The following CRY1 variants were observed in gnomAD, a reference collection of about 807,000 sequenced individuals.
The protein encoded by CRY1 is cryptochrome circadian regulator 1, also known as cryptochrome-1.
A neutral mutation model predicts 76.0 loss-of-function variants in CRY1; 45 were observed. The ratio of observed to expected loss-of-function variants is 0.59; its 90% confidence interval spans 0.47 to 0.76. The LOEUF (loss-of-function observed/expected upper bound fraction) is 0.76, where lower values mean the gene tolerates loss of function less well. CRY1 is among the 30% of genes least tolerant of loss of function. The pLI is 0.00. For missense variants in CRY1, 587 were observed against 716.4 expected (o/e 0.82, Z 2.06); for synonymous variants, 248 against 244.0 (o/e 1.02, Z -0.15).
rs1020158294 is a variant in CRY1, at chr12:106,997,800, C to G, written c.1290-110G>C. On this transcript the variant is annotated intron_variant, in intron 8 of 12. Coordinates refer to ENST00000008527, the MANE Select transcript of CRY1 (RefSeq NM_004075.5). ...AAGACCATTTAAATGATCTGTTTAC[C>G]CTTCTCATCTCTGCTGCCCATCATG... 12 of 1,527,446 alleles carry G rather than the reference C, an allele frequency of 7.9e-6. 1 individual carries two copies. Among genetic ancestry groups the G allele is most frequent in the South Asian group, 6.1e-5 (5 of 82,058 alleles). 94.6% of individuals were successfully genotyped at this position (1,527,446 alleles called of 1,614,324 possible).
At chr12:107,009,531 T>A (rs2136831240) in intron 2 of CRY1, among the ~76,000 whole-genome samples, 1 of 134,744 alleles carries the variant, frequency 7.4e-6, no homozygotes, top group East Asian at 2.1e-4. Context: ...AGAGCAAGAC[T>A]CCATCTCAGA....
At chr12:107,009,565 T>TATATATAC (rs1256147532) in intron 2 of CRY1, among the ~76,000 whole-genome samples, 1 of 99,040 alleles carries the variant, frequency 1.0e-5, no homozygotes, top group Non-Finnish European at 1.8e-5. Flanking sequence ...CAAAAAAACA[T>TATATATAC]ATATATATAT....
At chr12:107,046,146 A>G (rs1004721618) in intron 1 of CRY1, among the ~76,000 whole-genome samples, 5 of 148,870 alleles carry the variant, frequency 3.4e-5, no homozygotes, top group Non-Finnish European at 6.0e-5. Context: ...AAAAAAAATT[A>G]GTTGGGCATG....
At chr12:107,084,852 C>G (rs1953376595) in intron 1 of CRY1, among the ~76,000 whole-genome samples, 1 of 151,636 alleles carries the variant, frequency 6.6e-6, no homozygotes. Context: ...AGTTTCTGCA[C>G]AGTGAAAGAA....
At chr12:107,051,996 C>G (rs964433900) in intron 1 of CRY1, among the ~76,000 whole-genome samples, 34 of 151,964 alleles carry the variant, frequency 2.2e-4, no homozygotes, top group Non-Finnish European at 4.9e-4. Context: ...AAAGAAATTT[C>G]CCTTCTCAAA....
intron 1 of CRY1, among the ~76,000 whole-genome samples, chr12:107,085,824 A>AT (rs1309376164): frequency 2.0e-5 from 3 of 152,174 alleles, no homozygotes; most frequent in Non-Finnish European, 4.4e-5. Flanking sequence ...AACTTAAAGT[A>AT]TTAAAAAAAA....
intron 1 of CRY1, among the ~76,000 whole-genome samples, chr12:107,068,072 C>A (rs1953134154): frequency 6.6e-6 from 1 of 152,182 alleles, no homozygotes; most frequent in African/African-American, 2.4e-5. Context: ...GTCAAGCCAG[C>A]TCACTGCCTT....
chr12:107,042,491 T>C (rs1395402515), intron 1 of CRY1, among the ~76,000 whole-genome samples: 1 of 152,168 alleles, frequency 6.6e-6, no homozygotes, highest in East Asian at 1.9e-4. Context: ...ATCACTTCTG[T>C]GGCATTTTTC....
intron 1 of CRY1, among the ~76,000 whole-genome samples, chr12:107,047,926 C>G (rs1340922021): frequency 1.3e-5 from 2 of 151,540 alleles, no homozygotes; most frequent in Non-Finnish European, 2.9e-5. Context: ...GCAAAATAAA[C>G]AAAATTGAGA....
At chr12:107,009,626 C>T (rs1593499820) in intron 2 of CRY1, among the ~76,000 whole-genome samples, 1 of 137,226 alleles carries the variant, frequency 7.3e-6, no homozygotes, top group African/African-American at 2.7e-5. Context: ...TCCAGGTTCA[C>T]GGTCCGGTAC....
At chr12:107,012,541 A>C (rs1196073223) in intron 2 of CRY1, among the ~76,000 whole-genome samples, 1 of 152,240 alleles carries the variant, frequency 6.6e-6, no homozygotes, top group African/African-American at 2.4e-5. Context: ...TATTAGGGAG[A>C]TTAACATTGT....
In CRY1 at chr12:107,092,863, G is replaced by C; in HGVS notation, c.99C>G (p.Cys33Trp). ...ECIQGADTIR[C>W]VYILDPWFAG... is the part of the protein sequence containing the mutation. ...CGAACCAGGGGTCCAGGATGTAGAC[G>C]CAGCGGATGGTGTCGGCGCCCTGAA... Residue 33 changes from cysteine (C) to tryptophan (W), a missense_variant, in exon 1 of 13, where the codon TGC becomes TGG. Coordinates refer to ENST00000008527, the MANE Select transcript of CRY1 (RefSeq NM_004075.5). The C allele has an allele frequency of 6.2e-7, 1 of 1,610,920 alleles. No homozygotes were observed. The highest frequency in any genetic ancestry group is 2.2e-5 in the East Asian group (1 of 44,828).
Position 106,998,217 on chromosome 12 carries a change from G to GT in CRY1, c.1138-152dup. On this transcript the variant is annotated intron_variant, in intron 7 of 12. Transcript: ENST00000008527. ...TCCAAAGTTAGCTTCCCTATGTTCTGTTCTATAATGAGCTCTTCCAGAGAA... is the reference window on the plus strand; with the variant it reads ...TCCAAAGTTAGCTTCCCTATGTTCTGTTTCTATAATGAGCTCTTCCAGAGAA... 9.9e-6 allele frequency: 8 copies of GT among 806,348 alleles called. No homozygotes were observed. In the South Asian group the frequency reaches 1.4e-4, roughly 14 times the overall value. The allele number at this position is 806,348 out of a possible 1,614,324, so 49.9% of individuals were successfully genotyped here.
At chr12:107,018,859 G>T (rs77279696) in intron 2 of CRY1, among the ~76,000 whole-genome samples, 8 of 152,126 alleles carry the variant, frequency 5.3e-5, no homozygotes, top group Non-Finnish European at 1.0e-4. Flanking sequence ...GTATAAAAAT[G>T]TTCTGACCCA....
intron 1 of CRY1, among the ~76,000 whole-genome samples, chr12:107,027,319 A>T (rs1270929850): frequency 6.6e-6 from 1 of 152,206 alleles, no homozygotes; most frequent in Non-Finnish European, 1.5e-5. Context: ...CTGAAAATAC[A>T]TATGATATCA....
chr12:106,992,911 T>A, intron 11 of CRY1, 21 bp from the exon 12 acceptor site: 2 of 1,613,846 alleles, frequency 1.2e-6, no homozygotes, highest in Non-Finnish European at 1.7e-6. Flanking sequence ...AAAAAATGTA[T>A]GTTTAAGATA....
chr12:107,087,321 C>T (rs1233492761), intron 1 of CRY1, among the ~76,000 whole-genome samples: 1 of 152,046 alleles, frequency 6.6e-6, no homozygotes, highest in Non-Finnish European at 1.5e-5. Flanking sequence ...ACAGCACACA[C>T]CCTCAGCCTG....
At chr12:106,994,840 C>A (rs1205302481) in intron 10 of CRY1, among the ~76,000 whole-genome samples, 1 of 152,202 alleles carries the variant, frequency 6.6e-6, no homozygotes, top group Non-Finnish European at 1.5e-5. Flanking sequence ...ACAAGGCAGG[C>A]TGTGAACTGA....
chr12:107,020,419 A>G (rs918312315), intron 2 of CRY1, among the ~76,000 whole-genome samples: 13 of 152,306 alleles, frequency 8.5e-5, no homozygotes, highest in African/African-American at 3.1e-4. Context: ...TCTCAAGTTG[A>G]ATTATAATCG....
Sources: allele counts gnomAD v4.1 joint callset (sites outside exome capture counted in the v4.1 genomes callset), GRCh38; gene constraint gnomAD v4.1.1; transcripts MANE v1.5; gene names NCBI Gene and HGNC (gene_info 2026-07-23, HGNC 2026-07-21).